CRYBG1: variants seen among roughly 807,000 people sequenced by gnomAD.
CRYBG1 encodes the protein beta/gamma crystallin domain-containing protein 1.
A neutral mutation model predicts 189.2 loss-of-function variants in CRYBG1; 139 were observed. The ratio of observed to expected loss-of-function variants is 0.73; its 90% confidence interval spans 0.64 to 0.85. The LOEUF (loss-of-function observed/expected upper bound fraction) is 0.85, where lower values mean the gene tolerates loss of function less well. Among genes scored for constraint, CRYBG1 ranks in the 40% least tolerant of loss-of-function variants. The pLI, the probability that CRYBG1 is intolerant of heterozygous loss-of-function variation, is 0.00. For synonymous variants in CRYBG1, 1,023 were observed against 1,017.1 expected, an observed-to-expected ratio of 1.01 and a Z score of -0.11; for missense variants, 2,611 against 2,675.8, an observed-to-expected ratio of 0.98 and a Z score of 0.53.
At position 106,569,883 on chromosome 6, in the gene CRYBG1, A is replaced by G. The variant is rs1454012191; in HGVS notation, c.*1317A>G. The G allele has an allele frequency of 3.3e-5, 5 of 152,170 alleles. No individual in the cohort carries two copies. Among genetic ancestry groups the G allele is most frequent in the African/African-American group, 4.8e-5 (2 of 41,426 alleles). The allele number at this position is 152,170 out of a possible 1,614,324, so 9.4% of individuals were successfully genotyped here. A position where few individuals can be genotyped will look rare whatever the true frequency, so the allele number is the denominator to read the frequency against. On this transcript the variant is annotated 3_prime_UTR_variant, in exon 22 of 22. Coordinates refer to ENST00000633556, the MANE Select transcript of CRYBG1 (RefSeq NM_001371242.2). ...AGGCTCAAGAGGATGACCAGCAATT[A>G]ATTATCCCCAGAAAGTGAAGGAAAA...
intron 2 of CRYBG1, among the ~76,000 whole-genome samples, chr6:106,486,747 C>G (rs1772598484): frequency 2.0e-5 from 3 of 152,094 alleles, no homozygotes; most frequent in Non-Finnish European, 1.5e-5. Flanking sequence ...TACTCTTGTT[C>G]ACTTTTGGTT....
chr6:106,384,483 G>T (rs1186485601), intron 1 of CRYBG1, among the ~76,000 whole-genome samples: 1 of 152,070 alleles, frequency 6.6e-6, no homozygotes, highest in Non-Finnish European at 1.5e-5. Context: ...ATGTTTTCTT[G>T]CACCTAGATG....
At chr6:106,371,304 C>T (rs1770021498) in intron 1 of CRYBG1, among the ~76,000 whole-genome samples, 1 of 152,200 alleles carries the variant, frequency 6.6e-6, no homozygotes, top group South Asian at 2.1e-4. Flanking sequence ...ATAGTTGAAG[C>T]AACTGTTGAC....
chr6:106,511,976 C>T lies in CRYBG1; in HGVS notation c.859C>T (p.Gln287Ter). The change falls in exon 3 of 22, where the codon CAG becomes TAG. Residue 287 changes from glutamine to a stop codon, truncating the protein, a stop_gained. Coordinates refer to ENST00000633556, the MANE Select transcript of CRYBG1 (RefSeq NM_001371242.2). LOFTEE classifies it high-confidence loss of function. Reference sequence around the variant, plus strand: ...CGCTTCACCAGGTGCTGGCCACGAACAGGAGGCTTTCCTGGGTGTGAGGGG... The same window carrying T: ...CGCTTCACCAGGTGCTGGCCACGAATAGGAGGCTTTCCTGGGTGTGAGGGG... ...EDASPGAGHE[Q>*]EAFLGVRGAP... The T allele has an allele frequency of 6.5e-7, 1 of 1,529,904 alleles. No homozygotes were observed. The highest frequency in any genetic ancestry group is 8.7e-7 in the Non-Finnish European group (1 of 1,143,258). 94.8% of individuals were successfully genotyped at this position (1,529,904 alleles called of 1,614,324 possible). A position where few individuals can be genotyped will look rare whatever the true frequency, so the allele number is the denominator to read the frequency against.
intron 13 of CRYBG1, among the ~76,000 whole-genome samples, chr6:106,551,032 T>G (rs1341797682): frequency 1.3e-5 from 2 of 152,170 alleles, no homozygotes; most frequent in Non-Finnish European, 2.9e-5. Context: ...TGTGCAGGTT[T>G]GTTACATGGG....
intron 1 of CRYBG1, among the ~76,000 whole-genome samples, chr6:106,423,695 C>CTTTT (rs869170326): frequency 2.1e-4 from 9 of 42,918 alleles, no homozygotes; most frequent in Admixed American, 3.0e-4. Flanking sequence ...TCTCCCTCCC[C>CTTTT]TTTTTTTTTT....
chr6:106,400,881 G>A (rs1366984284), intron 1 of CRYBG1, among the ~76,000 whole-genome samples: 2 of 152,130 alleles, frequency 1.3e-5, no homozygotes, highest in African/African-American at 4.8e-5. Context: ...GTGCAAGATC[G>A]TAGAGAAGGG....
At chr6:106,564,167 AAACAACAAC>A (rs151038275) in intron 21 of CRYBG1, among the ~76,000 whole-genome samples, 1 of 151,846 alleles carries the variant, frequency 6.6e-6, no homozygotes, top group Non-Finnish European at 1.5e-5. Context: ...TTTACAGACA[AAACAACAAC>A]AACAACAACA....
At position 106,530,215 on chromosome 6, in the gene CRYBG1, G is replaced by C; in HGVS notation, c.4618G>C (p.Glu1540Gln). 6.2e-7 allele frequency: 1 copy of C among 1,613,336 alleles called. No homozygotes were observed. Among genetic ancestry groups the C allele is most frequent in the Non-Finnish European group, 8.5e-7 (1 of 1,179,568 alleles). Residue 1540 changes from glutamate (E) to glutamine (Q), a missense_variant, in exon 8 of 22, where the codon GAA becomes CAA. Coordinates refer to ENST00000633556, the MANE Select transcript of CRYBG1 (RefSeq NM_001371242.2). ...VSHIDLFTEPEGLGILSSYFD... is the reference protein window; with the variant it reads ...VSHIDLFTEPQGLGILSSYFD... ...TCACATTGACTTATTTACTGAACCAGAAGGGTTAGGAATCCTAAGTTCCTA... is the reference window on the plus strand; with the variant it reads ...TCACATTGACTTATTTACTGAACCACAAGGGTTAGGAATCCTAAGTTCCTA...
At chr6:106,446,377 T>A (rs1771664487) in intron 1 of CRYBG1, among the ~76,000 whole-genome samples, 2 of 152,182 alleles carry the variant, frequency 1.3e-5, no homozygotes, top group African/African-American at 4.8e-5. Flanking sequence ...GAGGAAATAA[T>A]TCAATTCAAT....
chr6:106,409,308 C>G (rs1770881776), intron 1 of CRYBG1, among the ~76,000 whole-genome samples: 1 of 152,120 alleles, frequency 6.6e-6, no homozygotes. Flanking sequence ...ATGAATACAA[C>G]TTACAAGGGA....
intron 20 of CRYBG1, among the ~76,000 whole-genome samples, chr6:106,562,291 G>A (rs7749873): frequency 0.94 from 143,623 of 152,236 alleles, 68,292 homozygotes; most frequent in East Asian, 1. Flanking sequence ...CTAGCAGGAG[G>A]AACAGAAGTA....
intron 7 of CRYBG1, among the ~76,000 whole-genome samples, 173 bp downstream of exon 7, chr6:106,527,643 T>C (rs1773771440): frequency 6.6e-6 from 1 of 152,254 alleles, no homozygotes; most frequent in South Asian, 2.1e-4. Flanking sequence ...AAAAGAAACA[T>C]AATTGGTTAG....
chr6:106,450,700 C>T (rs1196721235), intron 1 of CRYBG1, among the ~76,000 whole-genome samples: 1 of 152,208 alleles, frequency 6.6e-6, no homozygotes, highest in Admixed American at 6.5e-5. Flanking sequence ...TCTCCTTAGG[C>T]TAATCCTGCA....
At chr6:106,413,646 T>C (rs1170405549) in intron 1 of CRYBG1, among the ~76,000 whole-genome samples, 2 of 151,634 alleles carry the variant, frequency 1.3e-5, no homozygotes, top group East Asian at 3.9e-4. Context: ...CATTGCACTC[T>C]AGCCTGGGTG....
Position 106,568,814 on chromosome 6 carries a change from AG to A in CRYBG1, c.*250del, listed in dbSNP as rs1428543838. 2 of 392,834 alleles carry A rather than the reference AG, an allele frequency of 5.1e-6. No homozygotes were observed. Among genetic ancestry groups the A allele is most frequent in the Non-Finnish European group, 9.2e-6 (2 of 216,966 alleles). The allele number at this position is 392,834 out of a possible 1,614,324, so 24.3% of individuals were successfully genotyped here. On this transcript the variant is annotated 3_prime_UTR_variant, in exon 22 of 22. Coordinates refer to ENST00000633556, the MANE Select transcript of CRYBG1 (RefSeq NM_001371242.2). Reference sequence around the variant, plus strand: ...TTTCATTTTTGGTAGCTGCTTAAACAGGTTGCCTAATTAGCAGCTTTTGGGT... The same window carrying A: ...TTTCATTTTTGGTAGCTGCTTAAACAGTTGCCTAATTAGCAGCTTTTGGGT...
rs747354379 is a variant in CRYBG1 at position 106,561,446 on chromosome 6, T to C, written c.6084T>C (p.Asp2028=). ...TTCTGAGGATACAGGTCATGGAGGA[T>C]GTCGGGGCCGATGATCAGATTTGGA... ...LKLLRIQVME[D]VGADDQIWIY... The change falls in exon 20 of 22, where the codon GAT becomes GAC. Residue 2028 remains aspartate, a synonymous_variant. Transcript: ENST00000633556. The C allele has an allele frequency of 1.9e-6, 3 of 1,614,164 alleles. No homozygotes were observed. The highest frequency in any genetic ancestry group is 1.1e-5 in the South Asian group (1 of 91,080).
chr6:106,405,146 G>A (rs1231906993), intron 1 of CRYBG1, among the ~76,000 whole-genome samples: 2 of 152,294 alleles, frequency 1.3e-5, no homozygotes, highest in South Asian at 4.1e-4. Flanking sequence ...TGAAATTCTC[G>A]CTGCCAGCAC....
intron 1 of CRYBG1, among the ~76,000 whole-genome samples, chr6:106,388,432 C>A (rs372004507): frequency 2.6e-5 from 4 of 152,224 alleles, no homozygotes; most frequent in African/African-American, 9.6e-5. Flanking sequence ...AAACTGTCTT[C>A]TTTATAAATT....
Sources: gnomAD v4.1 joint callset for allele counts (sites outside exome capture counted in the v4.1 genomes callset) on GRCh38, gnomAD v4.1.1 for gene constraint, MANE v1.5 for transcripts, NCBI Gene and HGNC (gene_info 2026-07-23, HGNC 2026-07-21) for gene names.